LRP6: variants seen among roughly 807,000 people sequenced by gnomAD.
LRP6 encodes low-density lipoprotein receptor-related protein 6.
LRP6 carries 43 observed loss-of-function variants against 184.1 expected under a neutral mutation model. That is an observed-to-expected ratio of 0.23 (90% CI 0.18 to 0.30). The LOEUF is 0.30. Ranked by LOEUF, LRP6 falls within the 10% of genes least tolerant of loss-of-function variation. The probability of loss-of-function intolerance (pLI) is 1.00; values close to 1 mark genes in which losing one functional copy is unlikely to be tolerated. For missense variants in LRP6, 1,571 were observed against 2,005.3 expected (o/e 0.78, Z 4.14); for synonymous variants, 719 against 684.9 (o/e 1.05, Z -0.78).
chr12:12,204,806 A>G (rs1326226725), intron 2 of LRP6, among the ~76,000 whole-genome samples: 1 of 150,150 alleles, frequency 6.7e-6, no homozygotes, highest in Non-Finnish European at 1.5e-5. Context: ...AAATACAAAA[A>G]AAAAAAAAAA....
In LRP6 at chr12:12,266,992, C is replaced by G; in HGVS notation, c.-257G>C. 5.7e-6 allele frequency: 3 copies of G among 528,352 alleles called. No homozygotes were observed. Among genetic ancestry groups the G allele is most frequent in the Non-Finnish European group, 9.9e-6 (3 of 302,804 alleles). 32.7% of individuals were successfully genotyped at this position (528,352 alleles called of 1,614,324 possible). On this transcript the variant is annotated 5_prime_UTR_variant, in exon 1 of 23. Transcript: ENST00000261349. ...CGCCTCCTCCCCCGGCGCCCCGCTT[C>G]CCCCGCGCAGCTCCTCATTCAGCCT... is the stretch of plus-strand genomic sequence containing the variant.
At chr12:12,145,876 C>A (rs1950000104) in intron 15 of LRP6, among the ~76,000 whole-genome samples, 1 of 152,046 alleles carries the variant, frequency 6.6e-6, no homozygotes, top group Non-Finnish European at 1.5e-5. Context: ...AGGTGATCCA[C>A]CCTCTTCGGC....
At position 12,118,868 on chromosome 12, in the gene LRP6, A is replaced by G. The variant is rs1297213763; in HGVS notation, c.*2258T>C. The G allele has an allele frequency of 1.3e-5, 2 of 152,248 alleles. No homozygotes were observed. The highest frequency in any genetic ancestry group is 2.4e-5 in the African/African-American group (1 of 41,464). The allele number at this position is 152,248 out of a possible 1,614,324, so 9.4% of individuals were successfully genotyped here. The stretch of plus-strand genomic sequence containing the variant: ...ACGTGGACTGAGATCCAACAAGGCA[A>G]TATTCTTCTTAGTTAATTAGAGTGC... On this transcript the variant is annotated 3_prime_UTR_variant, in exon 23 of 23. Transcript: ENST00000261349.
At chr12:12,165,367 A>G (rs1394336623) in intron 7 of LRP6, 72 bp from the exon 8 acceptor site, 3 of 1,040,786 alleles carry the variant, frequency 2.9e-6, no homozygotes, top group East Asian at 2.4e-5. Flanking sequence ...AACAAATCCA[A>G]CTGCCTGTTG....
chr12:12,173,164 T>C (rs1056127586), intron 7 of LRP6, among the ~76,000 whole-genome samples: 4 of 152,148 alleles, frequency 2.6e-5, no homozygotes, highest in African/African-American at 9.7e-5. Flanking sequence ...GAGTTCCAGA[T>C]GAAGGCATCA....
chr12:12,240,316 G>A (rs892132325), intron 2 of LRP6, among the ~76,000 whole-genome samples: 1 of 152,192 alleles, frequency 6.6e-6, no homozygotes, highest in Non-Finnish European at 1.5e-5. Context: ...GCTCACGCCT[G>A]TAATGCCAGC....
intron 2 of LRP6, among the ~76,000 whole-genome samples, chr12:12,207,189 G>A (rs1458057477): frequency 1.3e-5 from 2 of 152,124 alleles, no homozygotes; most frequent in Admixed American, 6.6e-5. Context: ...TATTTGGAAC[G>A]AGGCATGGAA....
chr12:12,260,384 A>G (rs1308480741), intron 1 of LRP6, among the ~76,000 whole-genome samples: 3 of 152,058 alleles, frequency 2.0e-5, no homozygotes, highest in African/African-American at 7.2e-5. Context: ...TCTCAAAAAA[A>G]AAAAAAAGAA....
intron 19 of LRP6, among the ~76,000 whole-genome samples, chr12:12,130,280 G>C (rs890237229): frequency 3.3e-5 from 5 of 150,224 alleles, no homozygotes; most frequent in Admixed American, 6.6e-5. Flanking sequence ...TCCGCCTCCT[G>C]GGTTCAAATG....
At chr12:12,155,900 T>C (rs756015844) in intron 12 of LRP6, 82 of 560,880 alleles carry the variant, frequency 1.5e-4, no homozygotes, top group Non-Finnish European at 2.3e-4. Context: ...CCTTGTTTCT[T>C]CATTCATTTA....
chr12:12,266,055 T>A (rs1865748477), intron 1 of LRP6, among the ~76,000 whole-genome samples: 1 of 152,124 alleles, frequency 6.6e-6, no homozygotes, highest in South Asian at 2.1e-4. Context: ...AAGGGCAATG[T>A]TTTATTTTAT....
rs377378476 is a variant in LRP6, at chr12:12,150,959, G to A, written c.2871C>T (p.Ile957=). The A allele has an allele frequency of 4.5e-5, 73 of 1,614,184 alleles. No homozygotes were observed. The African/African-American group carries it at 8.3e-4, about 18-fold the overall frequency. The change falls in exon 13 of 23, where the codon ATC becomes ATT. Residue 957 remains isoleucine (I), a synonymous_variant. Transcript: ENST00000261349. ...TCCGAAGGCTGTGGATGGGAAGGAT[G>A]ATGTCGGGGCTCTGTTGTTCATCAA... ...MVIDEQQSPD[I]ILPIHSLRNV... is the part of the protein sequence containing the mutation.
chr12:12,169,440 G>A (rs1407678719), intron 7 of LRP6, among the ~76,000 whole-genome samples: 1 of 152,094 alleles, frequency 6.6e-6, no homozygotes, highest in Non-Finnish European at 1.5e-5. Flanking sequence ...TCAGTCCCTT[G>A]AGAAAACTGG....
intron 7 of LRP6, among the ~76,000 whole-genome samples, chr12:12,165,787 G>C (rs1013982247): frequency 2.0e-5 from 3 of 152,032 alleles, no homozygotes; most frequent in Admixed American, 2.0e-4. Flanking sequence ...CACTTAGCAT[G>C]CTTTTTATTT....
In LRP6 at chr12:12,165,105, T is replaced by C; in HGVS notation, c.1736A>G (p.Lys579Arg). The C allele has an allele frequency of 6.2e-7, 1 of 1,614,022 alleles. No homozygotes were observed. The highest frequency in any genetic ancestry group is 2.2e-5 in the East Asian group (1 of 44,868). Reference sequence around the variant, plus strand: ...AATCACTCGATGAACATTTGTAGCCTTTAGGCCCATGAGGTCAGGCAGCTG... The same window carrying C: ...AATCACTCGATGAACATTTGTAGCCCTTAGGCCCATGAGGTCAGGCAGCTG... Reference protein sequence around the residue: ...IDQLPDLMGLKATNVHRVIGS... With the variant: ...IDQLPDLMGLRATNVHRVIGS... The change falls in exon 8 of 23, where the codon AAG becomes AGG. Residue 579 changes from lysine (K) to arginine (R), a missense_variant. By Grantham distance (26) the Lys-to-Arg change is conservative. Transcript: ENST00000261349.
At chr12:12,174,818 C>T (rs1286972324) in intron 7 of LRP6, among the ~76,000 whole-genome samples, 1 of 152,184 alleles carries the variant, frequency 6.6e-6, no homozygotes, top group Non-Finnish European at 1.5e-5. Flanking sequence ...ATAATACCTT[C>T]TTTATTCAAA....
intron 12 of LRP6, among the ~76,000 whole-genome samples, chr12:12,156,898 G>C (rs543081683): frequency 1.8e-4 from 27 of 152,194 alleles, no homozygotes; most frequent in African/African-American, 2.9e-4. Context: ...CACTGATGGG[G>C]GTTATGGCCC....
intron 7 of LRP6, among the ~76,000 whole-genome samples, chr12:12,168,025 G>C (rs1357465740): frequency 3.9e-5 from 6 of 152,022 alleles, no homozygotes; most frequent in African/African-American, 1.4e-4. Context: ...TTGCTAGTTA[G>C]ATATAAAGTA....
At position 12,252,272 on chromosome 12, in the gene LRP6, A is replaced by G. The variant is rs118070442; in HGVS notation, c.56-7617T>C. Among the ~76,000 whole-genome samples the G allele has an allele frequency of 4.2e-3, 637 of 152,336 alleles. 3 individuals are homozygous for G. The highest frequency in any genetic ancestry group is 3.9e-3 in the Admixed American group (59 of 15,304). On this transcript the variant is annotated intron_variant, in intron 1 of 22. Transcript: ENST00000261349. ...GTGGCCCATGATCCTATTTAATCAA[A>G]TGTTCAAACCTCCTAAATGATGCCT... is the stretch of plus-strand genomic sequence containing the variant.
Sources: allele counts gnomAD v4.1 joint callset (sites outside exome capture counted in the v4.1 genomes callset), GRCh38; gene constraint gnomAD v4.1.1; transcripts MANE v1.5; gene names NCBI Gene and HGNC (gene_info 2026-07-23, HGNC 2026-07-21).